The following KIF12 variants were observed in gnomAD, a reference collection of about 807,000 sequenced individuals.
KIF12 encodes the protein kinesin-like protein KIF12.
A neutral mutation model predicts 87.9 loss-of-function variants in KIF12; 80 were observed. That is an observed-to-expected ratio of 0.91 (90% CI 0.76 to 1.10). The LOEUF (loss-of-function observed/expected upper bound fraction) is 1.10, where lower values mean the gene tolerates loss of function less well. Among genes scored for constraint, KIF12 ranks in the 50% least tolerant of loss-of-function variants. The probability of loss-of-function intolerance (pLI) is 0.00; values close to 1 mark genes in which losing one functional copy is unlikely to be tolerated. For synonymous variants in KIF12, 353 were observed against 348.5 expected (o/e 1.01, Z -0.14); for missense variants, 819 against 865.3 (o/e 0.95, Z 0.67).
rs770228178 is a variant in KIF12, at chr9:114,096,112, C to A, written c.834G>T (p.Thr278=). The A allele has an allele frequency of 3.1e-6, 5 of 1,613,820 alleles. No individual in the cohort carries two copies. In the South Asian group the frequency reaches 5.5e-5, roughly 18 times the overall value. The change falls in exon 9 of 19, where the codon ACG becomes ACT. Residue 278 remains threonine, a synonymous_variant. Transcript: ENST00000640217. ...DLAGSEKVAA[T]GSRGELMLEA... ...CAAGCATCAGCTCCCCACGGGATCC[C>A]GTGGCTGCTACCTTCTCACTGCCTG... is the stretch of plus-strand genomic sequence containing the variant.
chr9:114,097,908 G>T, intron 5 of KIF12, 167 bp from the exon 6 acceptor site: 1 of 1,003,006 alleles, frequency 1.0e-6, no homozygotes, highest in Non-Finnish European at 1.4e-6. Context: ...AAAACTGAGA[G>T]CTAGGAAGGG....
At chr9:114,093,818 T>C (rs994116359) in intron 14 of KIF12, 68 bp downstream of exon 14, 5 of 1,374,392 alleles carry the variant, frequency 3.6e-6, no homozygotes, top group Non-Finnish European at 5.2e-6. Context: ...AAGCAGTTCA[T>C]TAAGCCATCC....
intron 7 of KIF12, 32 bp from the exon 8 acceptor site, chr9:114,096,510 G>A (rs748990609): frequency 6.5e-7 from 1 of 1,540,430 alleles, no homozygotes; most frequent in African/African-American, 1.4e-5. Flanking sequence ...AGCTGGACCT[G>A]GTAGGAAGAA....
chr9:114,092,720 G>A (rs1211525500), intron 16 of KIF12, 78 bp from the exon 17 acceptor site: 1 of 1,522,124 alleles, frequency 6.6e-7, no homozygotes, highest in Non-Finnish European at 8.7e-7. Flanking sequence ...TGCTAGCCAT[G>A]ACACCCCACC....
At position 114,098,620 on chromosome 9, in the gene KIF12, G is replaced by A. The variant is rs575723224; in HGVS notation, c.172-191C>T. ...TGGGCGAGCACCCTGGGTTGGGGGT[G>A]GGGTGGGGGACACTCACTAGGGCCG... On this transcript the variant is annotated intron_variant, in intron 3 of 18. Coordinates refer to ENST00000640217, the MANE Select transcript of KIF12 (RefSeq NM_001388308.1). Among the ~76,000 whole-genome samples the A allele has an allele frequency of 2.8e-5, 4 of 143,242 alleles. No individual in the cohort carries two copies. The East Asian group carries it at 8.5e-4, about 31-fold the overall frequency. 94.0% of individuals were successfully genotyped at this position (143,242 alleles called of 152,430 possible). A position where few individuals can be genotyped will look rare whatever the true frequency, so the allele number is the denominator to read the frequency against.
chr9:114,093,603 G>T, intron 14 of KIF12, 106 bp from the exon 15 acceptor site: 1 of 967,150 alleles, frequency 1.0e-6, no homozygotes, highest in Non-Finnish European at 1.6e-6. Context: ...ACCAGGTACC[G>T]GGCCCCATTC....
intron 6 of KIF12, 21 bp from the exon 7 acceptor site, chr9:114,097,457 G>C: frequency 1.3e-6 from 2 of 1,584,460 alleles, no homozygotes; most frequent in Non-Finnish European, 1.7e-6. Context: ...AGGGAGGAGG[G>C]TGAGGGAAGG....
chr9:114,092,970 C>T (rs888401526), intron 16 of KIF12: 3 of 1,387,638 alleles, frequency 2.2e-6, no homozygotes, highest in Non-Finnish European at 2.8e-6. Flanking sequence ...TCAGTAAATC[C>T]ATAAGTGAGT....
rs1847272560 is a variant in KIF12, at chr9:114,097,291, C to A, written c.646+10G>T. The A allele has an allele frequency of 1.2e-6, 2 of 1,606,892 alleles. No individual in the cohort carries two copies. Among genetic ancestry groups the A allele is most frequent in the Admixed American group, 1.7e-5 (1 of 57,656 alleles). ...CCCTACCCGCAAAACTCCCCGCTGT[C>A]AGCACACACCCGTTTGCAAAAGTTC... On this transcript the variant is annotated intron_variant, in intron 7 of 18. Coordinates refer to ENST00000640217, the MANE Select transcript of KIF12 (RefSeq NM_001388308.1).
At chr9:114,093,048 A>AG in intron 16 of KIF12, 181 bp downstream of exon 16, 11 of 1,171,810 alleles carry the variant, frequency 9.4e-6, no homozygotes, top group Non-Finnish European at 1.3e-5. Flanking sequence ...CAGGGTGAGG[A>AG]GGGGGGAGGG....
chr9:114,097,268 CT>C, intron 7 of KIF12, 32 bp downstream of exon 7: 1 of 1,601,060 alleles, frequency 6.2e-7, no homozygotes, highest in Middle Eastern at 1.7e-4. Flanking sequence ...ATGGGCACCC[CT>C]ACCCGCAAAA....
At chr9:114,098,068 A>G in intron 5 of KIF12, 47 bp downstream of exon 5, 1 of 1,516,086 alleles carries the variant, frequency 6.6e-7, no homozygotes, top group Non-Finnish European at 8.9e-7. Flanking sequence ...CAGGGCTTCC[A>G]GCCCACCCAG....
rs570161263 is a variant in KIF12, at chr9:114,095,405, T to G, written c.896-73A>C. Reference sequence around the variant, plus strand: ...GCCATCAGGCTGGGATGCTGCAGAGTTGGGCTCTCCACCCAGGCCTGTGTT... The same window carrying G: ...GCCATCAGGCTGGGATGCTGCAGAGGTGGGCTCTCCACCCAGGCCTGTGTT... On this transcript the variant is annotated intron_variant, in intron 9 of 18. Transcript: ENST00000640217. 5 of 1,497,966 alleles carry G rather than the reference T, an allele frequency of 3.3e-6. No individual in the cohort carries two copies. The South Asian group carries it at 6.1e-5, about 18-fold the overall frequency. 92.8% of individuals were successfully genotyped at this position (1,497,966 alleles called of 1,614,324 possible). A position where few individuals can be genotyped will look rare whatever the true frequency, so the allele number is the denominator to read the frequency against.
At chr9:114,095,934 C>A (rs1342421022) in intron 9 of KIF12, 117 bp downstream of exon 9, 11 of 1,191,710 alleles carry the variant, frequency 9.2e-6, no homozygotes, top group Non-Finnish European at 1.3e-5. Context: ...TCCTGGATCG[C>A]AGCTCTTTAA....
Position 114,091,873 on chromosome 9 carries a change from G to T in KIF12, c.1944C>A (p.Leu648=), listed in dbSNP as rs780655905. ...TCCCACTTGGCCTTCAATGGGGAGG[G>T]AGGACTTGGCCTGGGCTCCGTGCGC... ...SEGARSPGQV[L]PPH Residue 648 remains leucine (L), a synonymous_variant, in exon 19 of 19, where the codon CTC becomes CTA. Coordinates refer to ENST00000640217, the MANE Select transcript of KIF12 (RefSeq NM_001388308.1). 1 of 1,602,052 alleles carries T rather than the reference G, an allele frequency of 6.2e-7. No individual in the cohort carries two copies. The highest frequency in any genetic ancestry group is 8.5e-7 in the Non-Finnish European group (1 of 1,171,394).
chr9:114,093,259 G>C lies in KIF12; in HGVS notation c.1566C>G (p.Ala522=). ...GCAGGTGGTGCTCCCCTGGCAGGCA[G>C]GCCCAGTGGGCCAGGGGCACTCGAC... is the stretch of plus-strand genomic sequence containing the variant. The part of the protein sequence containing the change: ...PLCRVPLAHW[A]CLPGEHHLPQ... The change falls in exon 16 of 19, where the codon GCC becomes GCG. Residue 522 remains alanine, a synonymous_variant. Coordinates refer to ENST00000640217, the MANE Select transcript of KIF12 (RefSeq NM_001388308.1). 1.3e-6 allele frequency: 2 copies of C among 1,556,622 alleles called. No individual in the cohort carries two copies. The highest frequency in any genetic ancestry group is 1.7e-6 in the Non-Finnish European group (2 of 1,149,302).
chr9:114,097,382 T>C lies in KIF12; in HGVS notation c.565A>G (p.Lys189Glu), dbSNP rs758274761. 47 of 1,607,854 alleles carry C rather than the reference T, an allele frequency of 2.9e-5. No homozygotes were observed. The highest frequency in any genetic ancestry group is 4.2e-6 in the Non-Finnish European group (5 of 1,178,544). ...SPRPLPVRWN[K>E]TRGFYVEQLR... ...TGCTCCACATAGAAGCCCCGAGTCT[T>C]GTTCCAGCGAACAGGGAGGGGCCGG... The change falls in exon 7 of 19, where the codon AAG becomes GAG. Residue 189 changes from lysine (K) to glutamate (E), a missense_variant. Lys to Glu is a moderately conservative substitution (Grantham distance 56). Coordinates refer to ENST00000640217, the MANE Select transcript of KIF12 (RefSeq NM_001388308.1).
intron 18 of KIF12, 34 bp downstream of exon 18, chr9:114,092,299 A>T: frequency 1.3e-6 from 2 of 1,517,962 alleles, no homozygotes; most frequent in Non-Finnish European, 8.8e-7. Flanking sequence ...ATCACAGAGA[A>T]CATTAGGGGC....
intron 11 of KIF12, 71 bp from the exon 12 acceptor site, chr9:114,094,526 G>T: frequency 1.1e-6 from 1 of 893,744 alleles, no homozygotes; most frequent in Non-Finnish European, 1.8e-6. Context: ...ACTTCCGGGT[G>T]TGGGAAGTAA....
Sources: allele counts gnomAD v4.1 joint callset (sites outside exome capture counted in the v4.1 genomes callset), GRCh38; gene constraint gnomAD v4.1.1; transcripts MANE v1.5; gene names NCBI Gene and HGNC (gene_info 2026-07-23, HGNC 2026-07-21).